The following PRH1 variants were observed in gnomAD, a reference collection of about 807,000 sequenced individuals.
The protein encoded by PRH1 is proline rich protein HaeIII subfamily 1.
PRH1 carries 7 observed loss-of-function variants against 7.9 expected under a neutral mutation model. That is an observed-to-expected ratio of 0.89 (90% CI 0.50 to 1.67). The LOEUF (loss-of-function observed/expected upper bound fraction) is 1.67. PRH1 is among the 40% of genes most tolerant of loss of function. PRH1 has a pLI of 0.00. For missense variants in PRH1, 109 were observed against 223.6 expected (o/e 0.49, Z 3.27); for synonymous variants, 45 against 80.8 (o/e 0.56, Z 2.38).
chr12:11,016,423 G>A (rs865914286), intron 1 of PRH1, among the ~76,000 whole-genome samples: 15 of 152,296 alleles, frequency 9.8e-5, no homozygotes, highest in Middle Eastern at 3.4e-3. Context: ...AGGTCCAAAG[G>A]AGTCTCCTGT....
intron 2 of PRH1, among the ~76,000 whole-genome samples, chr12:10,889,656 T>C (rs1321554608): frequency 6.6e-6 from 1 of 152,200 alleles, no homozygotes; most frequent in East Asian, 1.9e-4. Flanking sequence ...TAGTACATCA[T>C]TTGTTATAGC....
chr12:10,977,848 C>G (rs904334307), intron 1 of PRH1, among the ~76,000 whole-genome samples: 1 of 151,936 alleles, frequency 6.6e-6, no homozygotes, highest in African/African-American at 2.4e-5. Context: ...ATACAGCTGA[C>G]CAGGGAGGTG....
chr12:10,997,290 G>A (rs770627316), intron 1 of PRH1: 1 of 1,614,136 alleles, frequency 6.2e-7, no homozygotes. Flanking sequence ...ATTAACAGCA[G>A]AAAAGATATC....
intron 2 of PRH1, chr12:10,939,011 C>G: frequency 6.2e-7 from 1 of 1,613,468 alleles, no homozygotes; most frequent in Non-Finnish European, 8.5e-7. Flanking sequence ...AGACACACAC[C>G]AGCTTCCGAA....
chr12:10,952,273 C>T (rs963200165), intron 2 of PRH1, among the ~76,000 whole-genome samples: 8 of 152,014 alleles, frequency 5.3e-5, no homozygotes, highest in South Asian at 2.1e-4. Context: ...AATAAAGGGG[C>T]CAAAATTATG....
At chr12:11,055,150 C>A in intron 1 of PRH1, among the ~76,000 whole-genome samples, 1 of 150,804 alleles carries the variant, frequency 6.6e-6, no homozygotes, top group Non-Finnish European at 1.5e-5. Flanking sequence ...AAATATTATG[C>A]CAAATGACTT....
At chr12:11,126,251 T>C (rs1396700581) in intron 1 of PRH1, among the ~76,000 whole-genome samples, 1 of 152,226 alleles carries the variant, frequency 6.6e-6, no homozygotes, top group Non-Finnish European at 1.5e-5. Flanking sequence ...GTGCCAGTTG[T>C]TACAATAATC....
At chr12:11,164,118 G>A (rs1248709070) in intron 1 of PRH1, among the ~76,000 whole-genome samples, 4 of 152,270 alleles carry the variant, frequency 2.6e-5, no homozygotes, top group South Asian at 4.1e-4. Flanking sequence ...AAGAATACCC[G>A]TATAACTGGT....
intron 1 of PRH1, among the ~76,000 whole-genome samples, chr12:11,014,666 G>A (rs531419113): frequency 6.6e-6 from 1 of 152,120 alleles, no homozygotes; most frequent in African/African-American, 2.4e-5. Context: ...TTCAATAATT[G>A]AAGGAAAGTG....
chr12:11,110,499 T>G (rs949789119), intron 1 of PRH1, among the ~76,000 whole-genome samples: 2 of 151,208 alleles, frequency 1.3e-5, no homozygotes, highest in African/African-American at 4.9e-5. Flanking sequence ...CGGAAGAGAG[T>G]GGGGACATTC....
At chr12:11,135,002 A>G (rs1946504034) in intron 1 of PRH1, among the ~76,000 whole-genome samples, 1 of 152,218 alleles carries the variant, frequency 6.6e-6, no homozygotes, top group South Asian at 2.1e-4. Context: ...GAGGTTGTCC[A>G]GGTGAAATTA....
chr12:11,159,250 T>C (rs1200305675), intron 1 of PRH1: 1 of 151,622 alleles, frequency 6.6e-6, no homozygotes, highest in Non-Finnish European at 1.5e-5. Context: ...CTAATGGCAT[T>C]GGACATAAAA....
downstream of PRH1, among the ~76,000 whole-genome samples, chr12:11,120,175 T>A (rs1945852944): frequency 6.6e-6 from 1 of 152,220 alleles, no homozygotes; most frequent in Admixed American, 6.5e-5. Flanking sequence ...GGACAAGGAA[T>A]ATGACTGTTA....
At chr12:11,146,993 A>G (rs908142712) in intron 1 of PRH1, among the ~76,000 whole-genome samples, 10 of 152,280 alleles carry the variant, frequency 6.6e-5, no homozygotes, top group Non-Finnish European at 1.2e-4. Context: ...GATACCCAGT[A>G]AAGAACTTAC....
chr12:11,120,303 T>C (rs1945857336), downstream of PRH1, among the ~76,000 whole-genome samples: 1 of 152,230 alleles, frequency 6.6e-6, no homozygotes, highest in Non-Finnish European at 1.5e-5. Context: ...ATCAATTTTA[T>C]TATTTTAGCT....
intron 2 of PRH1, among the ~76,000 whole-genome samples, chr12:10,956,491 T>C (rs921035522): frequency 1.3e-5 from 2 of 152,060 alleles, no homozygotes; most frequent in Non-Finnish European, 2.9e-5. Context: ...ACTGGAAGCA[T>C]TACCCCTTGA....
chr12:11,021,565 C>A, intron 1 of PRH1: 1 of 888,362 alleles, frequency 1.1e-6, no homozygotes, highest in Non-Finnish European at 1.7e-6. Context: ...TATGGAAAAA[C>A]TGATAGAAAT....
chr12:11,147,492 A>C (rs1946900054), intron 1 of PRH1, among the ~76,000 whole-genome samples: 1 of 152,142 alleles, frequency 6.6e-6, no homozygotes, highest in African/African-American at 2.4e-5. Flanking sequence ...CTGGCCAAAG[A>C]ATTTTTTAAA....
At chr12:10,894,056 C>A (rs1949612355) in intron 2 of PRH1, among the ~76,000 whole-genome samples, 1 of 152,064 alleles carries the variant, frequency 6.6e-6, no homozygotes, top group Non-Finnish European at 1.5e-5. Flanking sequence ...TTTCTTTACA[C>A]AGTGACTTTC....
Sources: gnomAD v4.1 joint callset for allele counts (sites outside exome capture counted in the v4.1 genomes callset) on GRCh38, gnomAD v4.1.1 for gene constraint, MANE v1.5 for transcripts, NCBI Gene and HGNC (gene_info 2026-07-23, HGNC 2026-07-21) for gene names.